The following BST1 variants were observed in gnomAD, a reference collection of about 807,000 sequenced individuals.
BST1 encodes bone marrow stromal cell antigen 1.
A neutral mutation model predicts 40.6 loss-of-function variants in BST1; 49 were observed. The observed-to-expected ratio is 1.21, with a 90% CI of 0.96 to 1.53. BST1 has a LOEUF of 1.53. Among genes scored for constraint, BST1 ranks in the 40% most tolerant of loss-of-function variants. BST1 has a pLI of 0.00. For missense variants in BST1, 423 were observed against 395.9 expected (o/e 1.07, Z -0.58); for synonymous variants, 157 against 159.3 (o/e 0.99, Z 0.11).
intron 8 of BST1, among the ~76,000 whole-genome samples, chr4:15,726,283 T>C (rs1025066452): frequency 8.6e-5 from 13 of 152,016 alleles, no homozygotes; most frequent in African/African-American, 2.9e-4. Flanking sequence ...GATGGTATTC[T>C]AAGGACCTAA....
downstream of BST1, among the ~76,000 whole-genome samples, chr4:15,741,241 C>G (rs370004683): frequency 1.3e-5 from 2 of 152,156 alleles, no homozygotes; most frequent in East Asian, 3.9e-4. Flanking sequence ...AGGGGCCATC[C>G]CTGTCTACAG....
chr4:15,703,584 A>G (rs1328798894), intron 1 of BST1, among the ~76,000 whole-genome samples: 2 of 138,588 alleles, frequency 1.4e-5, no homozygotes, highest in African/African-American at 5.5e-5. Context: ...GCGCGCACAC[A>G]CACACTGTAG....
intron 3 of BST1, among the ~76,000 whole-genome samples, chr4:15,708,420 A>G (rs554676069): frequency 6.6e-6 from 1 of 152,238 alleles, no homozygotes; most frequent in Admixed American, 6.5e-5. Context: ...TATGGGCTAT[A>G]ATGCAGGAAA....
chr4:15,757,540 G>T, the BST1 span, among the ~76,000 whole-genome samples: 2 of 151,792 alleles, frequency 1.3e-5, no homozygotes, highest in Non-Finnish European at 1.5e-5. Flanking sequence ...GTGGTCCCCT[G>T]TTAAAGAAAA....
intron 6 of BST1, among the ~76,000 whole-genome samples, chr4:15,718,673 G>A (rs569163133): frequency 2.0e-5 from 3 of 152,298 alleles, no homozygotes; most frequent in African/African-American, 7.2e-5. Context: ...GGCTCTCCCA[G>A]TGCTCCTGGC....
the BST1 span, among the ~76,000 whole-genome samples, chr4:15,744,262 G>A: frequency 6.6e-6 from 1 of 152,124 alleles, no homozygotes; most frequent in Non-Finnish European, 1.5e-5. Context: ...GCTCGAGACT[G>A]GGTAATTTTT....
At chr4:15,749,845 C>A in the BST1 span, among the ~76,000 whole-genome samples, 2 of 151,854 alleles carry the variant, frequency 1.3e-5, no homozygotes, top group African/African-American at 2.4e-5. Flanking sequence ...TCCAGTTATA[C>A]TTTGTAAATT....
intron 4 of BST1, among the ~76,000 whole-genome samples, chr4:15,713,517 C>A (rs936093646): frequency 6.6e-5 from 10 of 152,008 alleles, no homozygotes; most frequent in African/African-American, 2.2e-4. Context: ...TTCTGTGAGG[C>A]AGAGACTTTT....
intron 3 of BST1, among the ~76,000 whole-genome samples, chr4:15,709,106 A>G (rs1720045466): frequency 6.6e-6 from 1 of 152,218 alleles, no homozygotes; most frequent in Non-Finnish European, 1.5e-5. Context: ...CCTTAAGATT[A>G]TAAGGGCTAT....
At chr4:15,750,817 TTAA>T in the BST1 span, among the ~76,000 whole-genome samples, 9,270 of 152,300 alleles carry the variant, frequency 0.061, 394 homozygotes, top group East Asian at 0.16. Context: ...TTTTTGTTCC[TTAA>T]TAATATAGCT....
At chr4:15,743,328 C>T in the BST1 span, 1 of 349,814 alleles carries the variant, frequency 2.9e-6, no homozygotes, top group Non-Finnish European at 5.6e-6. Context: ...AAAGCATGCA[C>T]ATCTTACAGA....
the BST1 span, among the ~76,000 whole-genome samples, chr4:15,748,213 A>G: frequency 2.6e-5 from 4 of 152,236 alleles, no homozygotes; most frequent in Non-Finnish European, 4.4e-5. Context: ...ATTTAGGCAG[A>G]TCCTACAATT....
chr4:15,745,960 G>A, the BST1 span, among the ~76,000 whole-genome samples: 8 of 152,186 alleles, frequency 5.3e-5, no homozygotes, highest in Admixed American at 2.0e-4. Context: ...CAAAGGTTAA[G>A]GTTCTTTTAG....
intron 8 of BST1, 117 bp from the exon 9 acceptor site, chr4:15,731,623 C>T: frequency 7.3e-7 from 1 of 1,371,376 alleles, no homozygotes; most frequent in Non-Finnish European, 1.0e-6. Context: ...GACTTTGCTG[C>T]TCATGGCTTC....
chr4:15,733,543 G>C (rs988863689), downstream of BST1, among the ~76,000 whole-genome samples: 6 of 152,234 alleles, frequency 3.9e-5, no homozygotes, highest in Non-Finnish European at 8.8e-5. Flanking sequence ...CTCGACCTAG[G>C]AAGTCCAGCT....
At chr4:15,716,994 C>G (rs1415857540) in intron 6 of BST1, among the ~76,000 whole-genome samples, 1 of 152,066 alleles carries the variant, frequency 6.6e-6, no homozygotes, top group Non-Finnish European at 1.5e-5. Context: ...CCAGGCTGGT[C>G]TTGAATTCCT....
At chr4:15,763,646 T>C in the BST1 span, among the ~76,000 whole-genome samples, 1 of 152,012 alleles carries the variant, frequency 6.6e-6, no homozygotes, top group African/African-American at 2.4e-5. Context: ...AAAAATTTAC[T>C]GTCAGGAAAC....
intron 2 of BST1, among the ~76,000 whole-genome samples, chr4:15,707,264 G>A (rs79233064): frequency 0.016 from 2,467 of 152,258 alleles, 65 homozygotes; most frequent in African/African-American, 0.056. Flanking sequence ...CCACATGCAC[G>A]TATATTTAGT....
the BST1 span, among the ~76,000 whole-genome samples, chr4:15,744,910 T>C: frequency 6.6e-6 from 1 of 152,248 alleles, no homozygotes; most frequent in Non-Finnish European, 1.5e-5. Context: ...GGAAAATGTT[T>C]TCTGTAAGTC....
Sources: allele counts gnomAD v4.1 joint callset (sites outside exome capture counted in the v4.1 genomes callset), GRCh38; gene constraint gnomAD v4.1.1; transcripts MANE v1.5; gene names NCBI Gene and HGNC (gene_info 2026-07-23, HGNC 2026-07-21).